The following TIMELESS variants were observed in gnomAD, a reference collection of about 807,000 sequenced individuals.
The protein encoded by TIMELESS is protein timeless homolog.
A neutral mutation model predicts 164.3 loss-of-function variants in TIMELESS; 124 were observed. The ratio of observed to expected loss-of-function variants is 0.75; its 90% confidence interval spans 0.65 to 0.88. The LOEUF (loss-of-function observed/expected upper bound fraction) is 0.88. Ranked by LOEUF, TIMELESS falls within the 40% of genes least tolerant of loss-of-function variation. The pLI is 0.00. For missense variants in TIMELESS, 1,422 were observed against 1,491.4 expected, an observed-to-expected ratio of 0.95 and a Z score of 0.77; for synonymous variants, 564 against 563.4, an observed-to-expected ratio of 1.00 and a Z score of -0.02.
chr12:56,433,828 G>A lies in TIMELESS; in HGVS notation c.196C>T (p.Leu66=). ...TGGTGGTGCTGGGTGAGGATGGGCA[G>A]AAGGTCGCTCTGTAGGATCTGGGCT... The part of the protein sequence containing the change: ...GAAQILQSDL[L]PILTQHHQDK... The change falls in exon 3 of 29, where the codon CTG becomes TTG. Residue 66 remains leucine (L), a synonymous_variant. Coordinates refer to ENST00000553532, the MANE Select transcript of TIMELESS (RefSeq NM_003920.5). 6.2e-7 allele frequency: 1 copy of A among 1,614,176 alleles called. No homozygotes were observed. The highest frequency in any genetic ancestry group is 8.5e-7 in the Non-Finnish European group (1 of 1,180,040).
chr12:56,434,117 C>T lies in TIMELESS; in HGVS notation c.54G>A (p.Gly18=). 8.1e-6 allele frequency: 13 copies of T among 1,614,176 alleles called. No homozygotes were observed. The highest frequency in any genetic ancestry group is 1.1e-5 in the Non-Finnish European group (13 of 1,180,022). The change falls in exon 2 of 29, where the codon GGG becomes GGA. Residue 18 remains glycine, a synonymous_variant. Coordinates refer to ENST00000553532, the MANE Select transcript of TIMELESS (RefSeq NM_003920.5). The part of the protein sequence containing the change: ...CELLATCSAL[G]YLEGDTYHKE... ...TATGGTAAGTGTCTCCCTCCAAGTACCCAAGGGCACTACATGTGGCTAGAA... is the reference window on the plus strand; with the variant it reads ...TATGGTAAGTGTCTCCCTCCAAGTATCCAAGGGCACTACATGTGGCTAGAA...
chr12:56,437,699 G>A (rs1882117054), intron 1 of TIMELESS, among the ~76,000 whole-genome samples: 1 of 152,114 alleles, frequency 6.6e-6, no homozygotes, highest in Non-Finnish European at 1.5e-5. Flanking sequence ...AGGACCCCAT[G>A]GCCCGCAGGA....
At chr12:56,422,769 C>G in intron 19 of TIMELESS, 78 bp downstream of exon 19, 1 of 1,472,676 alleles carries the variant, frequency 6.8e-7, no homozygotes, top group Non-Finnish European at 9.2e-7. Context: ...CATGCAAGCT[C>G]TTAACAGCTT....
chr12:56,431,128 C>T (rs564773336), intron 8 of TIMELESS, among the ~76,000 whole-genome samples, 160 bp from the exon 9 acceptor site: 218 of 151,822 alleles, frequency 1.4e-3, no homozygotes, highest in African/African-American at 5.0e-3. Context: ...CTGAGGCAGG[C>T]GGATCACCTG....
At chr12:56,418,446 T>C (rs1334382370) in intron 26 of TIMELESS, 87 bp from the exon 27 acceptor site, 3 of 874,782 alleles carry the variant, frequency 3.4e-6, no homozygotes, top group Non-Finnish European at 5.4e-6. Flanking sequence ...TGACCCAATA[T>C]TGGTGAAGAT....
rs151294051 is a variant in TIMELESS, at chr12:56,443,540, G to A, written c.-62+5770C>T. Among the ~76,000 whole-genome samples, 581 of 152,280 alleles carry A rather than the reference G, an allele frequency of 3.8e-3. 4 individuals are homozygous for A. Among genetic ancestry groups the A allele is most frequent in the African/African-American group, 0.013 (547 of 41,546 alleles). ...GTAATTCTAATTTTGCCCTTGCCTT[G>A]TGATCCTGCTCTGCCCTTTTGCCTT... is the stretch of plus-strand genomic sequence containing the variant. On this transcript the variant is annotated intron_variant, in intron 1 of 28. Coordinates refer to ENST00000553532, the MANE Select transcript of TIMELESS (RefSeq NM_003920.5).
In TIMELESS at chr12:56,430,173, G is replaced by GC. The variant is rs1565683861; in HGVS notation, c.1017dup (p.Leu340AlafsTer9). The GC allele has an allele frequency of 6.2e-7, 1 of 1,614,122 alleles. No homozygotes were observed. The highest frequency in any genetic ancestry group is 8.5e-7 in the Non-Finnish European group (1 of 1,180,030). ...TCAGAGCAGAAGTCTCTGAGGAAGA[G>GC]CCTCACATTGAGGGCAGAACGGCGC... is the stretch of plus-strand genomic sequence containing the variant. On this transcript the variant is annotated frameshift_variant, in exon 10 of 29. Coordinates refer to ENST00000553532, the MANE Select transcript of TIMELESS (RefSeq NM_003920.5). LOFTEE classifies it high-confidence loss of function.
chr12:56,434,070 T>C lies in TIMELESS; in HGVS notation c.97+4A>G. Reference sequence around the variant, plus strand: ...TTTTCCTGTTTCATCAAAAAGGTACTCACCTAAGCAATCTGGTTCCTTATG... The same window carrying C: ...TTTTCCTGTTTCATCAAAAAGGTACCCACCTAAGCAATCTGGTTCCTTATG... On this transcript the variant is annotated splice_donor_region_variant and intron_variant, in intron 2 of 28. Transcript: ENST00000553532. The C allele has an allele frequency of 6.2e-7, 1 of 1,613,880 alleles. No individual in the cohort carries two copies. Among genetic ancestry groups the C allele is most frequent in the East Asian group, 2.2e-5 (1 of 44,880 alleles).
In TIMELESS at chr12:56,433,915, C is replaced by A. The variant is rs755484439; in HGVS notation, c.109G>T (p.Asp37Tyr). 48 of 1,613,880 alleles carry A rather than the reference C, an allele frequency of 3.0e-5. No homozygotes were observed. The highest frequency in any genetic ancestry group is 4.0e-5 in the Non-Finnish European group (47 of 1,179,952). Residue 37 changes from aspartate (D) to tyrosine (Y), a missense_variant, in exon 3 of 29, where the codon GAT (aspartate) becomes TAT (tyrosine). Coordinates refer to ENST00000553532, the MANE Select transcript of TIMELESS (RefSeq NM_003920.5). ...KEPDCLESVKDLIRYLRHEDE... is the reference protein window; with the variant it reads ...KEPDCLESVKYLIRYLRHEDE... The stretch of plus-strand genomic sequence containing the variant: ...TCATGCCTCAAATAGCGGATCAGAT[C>A]CTTCACGCTCTCTTCAGAGACAGAA...
chr12:56,432,953 C>CAAA (rs67816652), intron 6 of TIMELESS, 73 bp downstream of exon 6: 6,198 of 537,340 alleles, frequency 0.012, 5 homozygotes, highest in Admixed American at 0.02. Flanking sequence ...GACTCCGTCT[C>CAAA]AAAAAAAAAA....
At chr12:56,430,643 A>T in intron 9 of TIMELESS, among the ~76,000 whole-genome samples, 1 of 152,128 alleles carries the variant, frequency 6.6e-6, no homozygotes, top group Admixed American at 6.5e-5. Flanking sequence ...TTAAGATTAC[A>T]GGCATGAGCC....
At chr12:56,442,549 T>C (rs1215603620) in intron 1 of TIMELESS, among the ~76,000 whole-genome samples, 1 of 152,218 alleles carries the variant, frequency 6.6e-6, no homozygotes, top group Non-Finnish European at 1.5e-5. Flanking sequence ...TATCACTATA[T>C]ACATCAGTTT....
intron 1 of TIMELESS, among the ~76,000 whole-genome samples, chr12:56,441,538 G>A (rs1410624602): frequency 6.6e-6 from 1 of 152,090 alleles, no homozygotes; most frequent in African/African-American, 2.4e-5. Flanking sequence ...AAGGCAGGAG[G>A]ATCACTTGAG....
chr12:56,446,827 A>AACT (rs201239046), intron 1 of TIMELESS, among the ~76,000 whole-genome samples: 1 of 148,782 alleles, frequency 6.7e-6, no homozygotes, highest in African/African-American at 2.5e-5. Context: ...AAAAAAAAAG[A>AACT]CTGCCCAAAA....
intron 10 of TIMELESS, among the ~76,000 whole-genome samples, chr12:56,429,543 T>G (rs2136141203): frequency 7.7e-6 from 1 of 129,168 alleles, no homozygotes; most frequent in South Asian, 2.6e-4. Context: ...ACTGTCATGA[T>G]GAGGCTGGAG....
chr12:56,433,659 G>A lies in TIMELESS; in HGVS notation c.252-7C>T. 1 of 1,614,040 alleles carries A rather than the reference G, an allele frequency of 6.2e-7. No homozygotes were observed. The highest frequency in any genetic ancestry group is 8.5e-7 in the Non-Finnish European group (1 of 1,179,984). ...TGTCAAGTTCACCATCAGTCTGGGA[G>A]ACAATGAAGGAGGGAGAAGTTGTTA... is the stretch of plus-strand genomic sequence containing the variant. On this transcript the variant is annotated splice_polypyrimidine_tract_variant and splice_region_variant and intron_variant, in intron 3 of 28. Transcript: ENST00000553532.
intron 1 of TIMELESS, among the ~76,000 whole-genome samples, chr12:56,445,112 C>A (rs769022869): frequency 5.9e-5 from 9 of 151,954 alleles, no homozygotes; most frequent in Non-Finnish European, 1.3e-4. Context: ...GTGAAGAAGG[C>A]TAAGAGTTTC....
intron 26 of TIMELESS, 152 bp downstream of exon 26, chr12:56,420,417 G>A: frequency 1.6e-6 from 1 of 642,130 alleles, no homozygotes; most frequent in South Asian, 1.9e-5. Flanking sequence ...AATGGCTGCT[G>A]CAGGAATCTT....
chr12:56,422,351 T>C (rs1022678600), intron 19 of TIMELESS, 160 bp from the exon 20 acceptor site: 5 of 612,252 alleles, frequency 8.2e-6, no homozygotes, highest in Admixed American at 3.0e-5. Context: ...TTCCCCTCAC[T>C]TTCCTTCCAC....
Sources: allele counts gnomAD v4.1 joint callset (sites outside exome capture counted in the v4.1 genomes callset), GRCh38; gene constraint gnomAD v4.1.1; transcripts MANE v1.5; gene names NCBI Gene and HGNC (gene_info 2026-07-23, HGNC 2026-07-21).